ITSN1: variants seen among roughly 807,000 people sequenced by gnomAD.
ITSN1 encodes intersectin 1.
In ITSN1, 58 loss-of-function variants were observed where a neutral mutation model predicts 239.8. The ratio of observed to expected loss-of-function variants is 0.24; its 90% CI spans 0.20 to 0.30. ITSN1 has a LOEUF of 0.30. Ranked by LOEUF, ITSN1 falls within the 10% of genes least tolerant of loss-of-function variation. The pLI is 1.00. For synonymous variants in ITSN1, 780 were observed against 770.8 expected (o/e 1.01, Z -0.20); for missense variants, 1,558 against 2,103.3 (o/e 0.74, Z 5.07).
At chr21:33,696,354 T>C (rs894710153) in intron 1 of ITSN1, among the ~76,000 whole-genome samples, 4 of 152,204 alleles carry the variant, frequency 2.6e-5, no homozygotes, top group Non-Finnish European at 5.9e-5. Flanking sequence ...AGTCTCTCCA[T>C]TGAGTTTTCC....
intron 25 of ITSN1, 73 bp downstream of exon 25, chr21:33,823,726 C>T: frequency 1.4e-6 from 2 of 1,430,798 alleles, no homozygotes; most frequent in Non-Finnish European, 1.9e-6. Context: ...CGATGTTTGA[C>T]AGCGGAACTT....
chr21:33,820,606 T>C (rs2073608001), intron 24 of ITSN1, among the ~76,000 whole-genome samples: 1 of 152,212 alleles, frequency 6.6e-6, no homozygotes. Flanking sequence ...GTAACAATGT[T>C]CTTTTTTCAA....
At chr21:33,867,062 TG>T (rs1377348683) in intron 32 of ITSN1, among the ~76,000 whole-genome samples, 170 bp from the exon 33 acceptor site, 1 of 152,066 alleles carries the variant, frequency 6.6e-6, no homozygotes, top group African/African-American at 2.4e-5. Context: ...ATCTGGAAAG[TG>T]TGTCATCCTG....
chr21:33,781,453 CT>C lies in ITSN1; in HGVS notation c.1597-6del. On this transcript the variant is annotated splice_polypyrimidine_tract_variant and splice_region_variant and intron_variant, in intron 14 of 39. Transcript: ENST00000381318. ...TCATTCATTACTATTTTCCTCCTTC[CT>C]TCCCAGGAATCTCAGCAAATGCTTG... The C allele has an allele frequency of 1.3e-6, 2 of 1,530,526 alleles. No homozygotes were observed. The highest frequency in any genetic ancestry group is 1.1e-5 in the South Asian group (1 of 87,452). The allele number at this position is 1,530,526 out of a possible 1,614,324, so 94.8% of individuals were successfully genotyped here. A position where few individuals can be genotyped will look rare whatever the true frequency, so the allele number is the denominator to read the frequency against.
intron 4 of ITSN1, among the ~76,000 whole-genome samples, chr21:33,734,119 A>T (rs2066351701): frequency 6.6e-6 from 1 of 152,192 alleles, no homozygotes; most frequent in South Asian, 2.1e-4. Context: ...TGGTTTAAAA[A>T]AATCCTCATG....
intron 26 of ITSN1, among the ~76,000 whole-genome samples, chr21:33,828,594 C>A (rs1217052111): frequency 6.6e-6 from 1 of 152,230 alleles, no homozygotes; most frequent in Non-Finnish European, 1.5e-5. Context: ...TTTTTGCGTT[C>A]TTCCTTTCCA....
At chr21:33,750,451 A>G in intron 6 of ITSN1, 129 bp downstream of exon 6, 1 of 849,716 alleles carries the variant, frequency 1.2e-6, no homozygotes. Flanking sequence ...AAATATCTTT[A>G]TTTTTTTCAC....
At chr21:33,750,631 A>G (rs2147474704) in intron 6 of ITSN1, among the ~76,000 whole-genome samples, 1 of 152,354 alleles carries the variant, frequency 6.6e-6, no homozygotes, top group East Asian at 1.9e-4. Context: ...GTTGAACTGT[A>G]GTTGAACATT....
chr21:33,854,459 C>T (rs759241970), intron 29 of ITSN1, among the ~76,000 whole-genome samples: 1 of 152,236 alleles, frequency 6.6e-6, no homozygotes, highest in Non-Finnish European at 1.5e-5. Context: ...GCCTGAGGCC[C>T]GGGCCCTTTC....
chr21:33,687,590 A>G (rs1244220376), intron 1 of ITSN1, among the ~76,000 whole-genome samples: 1 of 152,116 alleles, frequency 6.6e-6, no homozygotes, highest in East Asian at 1.9e-4. Context: ...CAGGTGATCT[A>G]TGTTATGTTG....
intron 5 of ITSN1, among the ~76,000 whole-genome samples, chr21:33,747,138 A>T (rs547864852): frequency 6.6e-6 from 1 of 152,344 alleles, no homozygotes; most frequent in South Asian, 2.1e-4. Flanking sequence ...TGGGCAACAG[A>T]GTGAGGCCTT....
intron 8 of ITSN1, 137 bp from the exon 9 acceptor site, chr21:33,761,786 C>T (rs1013844399): frequency 1.3e-5 from 8 of 637,050 alleles, no homozygotes; most frequent in East Asian, 7.6e-5. Context: ...AAAGCCCCTG[C>T]GGTAGTAGCA....
chr21:33,865,199 G>A lies in ITSN1; in HGVS notation c.3939G>A (p.Lys1313=), dbSNP rs2148501241. The part of the protein sequence containing the change: ...KKMSGEKMPV[K]MIGDILSAQL... ...TGTCCGGGGAGAAGATGCCTGTGAA[G>A]ATGATTGGAGACATCCTGAGCGCAC... The change falls in exon 32 of 40, where the codon AAG becomes AAA. Residue 1313 remains lysine (K), a synonymous_variant. Transcript: ENST00000381318. This position sits in a 1 kb window ranked among gnomAD's most constrained non-coding sequence, Gnocchi z 4.4. 6.2e-7 allele frequency: 1 copy of A among 1,614,050 alleles called. No individual in the cohort carries two copies. Among genetic ancestry groups the A allele is most frequent in the East Asian group, 2.2e-5 (1 of 44,874 alleles).
At chr21:33,742,143 G>A (rs930640069) in intron 5 of ITSN1, among the ~76,000 whole-genome samples, 12 of 147,626 alleles carry the variant, frequency 8.1e-5, no homozygotes, top group South Asian at 6.4e-4. Context: ...TGCAACCTCC[G>A]CTTCCTGGGT....
At chr21:33,829,848 A>G in intron 27 of ITSN1, 103 bp downstream of exon 27, 2 of 1,349,396 alleles carry the variant, frequency 1.5e-6, no homozygotes, top group Non-Finnish European at 2.0e-6. Flanking sequence ...ACCCCTCACC[A>G]CCTAAATTCT....
At chr21:33,799,359 G>A (rs1414270182) in intron 18 of ITSN1, among the ~76,000 whole-genome samples, 1 of 152,164 alleles carries the variant, frequency 6.6e-6, no homozygotes, top group Non-Finnish European at 1.5e-5. Context: ...TCATGTTTCA[G>A]TATGGAAACT....
Position 33,829,322 on chromosome 21 carries a change from G to A in ITSN1, c.3230-302G>A, listed in dbSNP as rs185203564. ...AATTATGGGAGGGGTGTGACAGAAG[G>A]TGCCAGGAGTGGGCAAGGAGCGGAC... is the stretch of plus-strand genomic sequence containing the variant. On this transcript the variant is annotated intron_variant, in intron 26 of 39. Coordinates refer to ENST00000381318, the MANE Select transcript of ITSN1 (RefSeq NM_003024.3). 1.3e-3 allele frequency: 496 copies of A among 374,138 alleles called. 2 individuals carry two copies. The highest frequency in any genetic ancestry group is 9.5e-3 in the African/African-American group (455 of 48,128). The allele number at this position is 374,138 out of a possible 1,614,324, so 23.2% of individuals were successfully genotyped here.
chr21:33,705,554 AT>A (rs537103031), intron 1 of ITSN1, among the ~76,000 whole-genome samples: 55 of 145,918 alleles, frequency 3.8e-4, no homozygotes, highest in Non-Finnish European at 4.3e-4. Flanking sequence ...CACCCGGCTA[AT>A]TTTTTTTTTT....
chr21:33,858,027 G>A (rs1353049004), intron 30 of ITSN1, among the ~76,000 whole-genome samples: 3 of 152,090 alleles, frequency 2.0e-5, no homozygotes, highest in Admixed American at 6.6e-5. Flanking sequence ...AGTGGAACAC[G>A]GGGTTCCACT....
Sources: allele counts gnomAD v4.1 joint callset (sites outside exome capture counted in the v4.1 genomes callset), GRCh38; gene constraint gnomAD v4.1.1; non-coding constraint Gnocchi (gnomAD v3.1); transcripts MANE v1.5; gene names NCBI Gene and HGNC (gene_info 2026-07-23, HGNC 2026-07-21).